The following APBA1 variants were observed in gnomAD, a reference collection of about 807,000 sequenced individuals.
The protein encoded by APBA1 is amyloid-beta A4 precursor protein-binding family A member 1.
APBA1 carries 55 observed loss-of-function variants against 86.6 expected under a neutral mutation model. The observed-to-expected ratio is 0.64, with a 90% CI of 0.51 to 0.80. The LOEUF (loss-of-function observed/expected upper bound fraction) is 0.80, where lower values mean the gene tolerates loss of function less well. Among genes scored for constraint, APBA1 ranks in the 30% least tolerant of loss-of-function variants. APBA1 has a pLI of 0.00. For missense variants in APBA1, 1,090 were observed against 1,183.0 expected, an observed-to-expected ratio of 0.92 and a Z score of 1.15; for synonymous variants, 511 against 493.9, an observed-to-expected ratio of 1.03 and a Z score of -0.46.
chr9:69,476,911 G>A (rs1231962130), intron 2 of APBA1, among the ~76,000 whole-genome samples: 1 of 152,200 alleles, frequency 6.6e-6, no homozygotes, highest in Non-Finnish European at 1.5e-5. Flanking sequence ...CCAGGTCAGT[G>A]TACACAGAAG....
chr9:69,500,043 C>A (rs1835858379), intron 2 of APBA1, among the ~76,000 whole-genome samples: 1 of 152,010 alleles, frequency 6.6e-6, no homozygotes, highest in South Asian at 2.1e-4. Flanking sequence ...GCCATTATCA[C>A]TAATTAGCAG....
intron 1 of APBA1, among the ~76,000 whole-genome samples, chr9:69,577,301 A>T (rs1025131049): frequency 3.3e-5 from 5 of 152,346 alleles, no homozygotes; most frequent in Middle Eastern, 3.4e-3. Flanking sequence ...ATATTGAGTC[A>T]TCATGAGTAG....
At chr9:69,621,146 T>C (rs1001963754) in intron 1 of APBA1, among the ~76,000 whole-genome samples, 51 of 152,192 alleles carry the variant, frequency 3.4e-4, no homozygotes, top group South Asian at 8.3e-4. Flanking sequence ...TGGTAGCTGT[T>C]ATTATCACCA....
intron 1 of APBA1, among the ~76,000 whole-genome samples, chr9:69,554,582 A>G (rs1836833622): frequency 6.6e-6 from 1 of 152,188 alleles, no homozygotes; most frequent in African/African-American, 2.4e-5. Flanking sequence ...AGCGGCACAC[A>G]AGGAGCTTAA....
chr9:69,477,263 C>T lies in APBA1; in HGVS notation c.1201-1120G>A, dbSNP rs961019236. Among the ~76,000 whole-genome samples the T allele has an allele frequency of 1.2e-4, 18 of 151,416 alleles. No individual in the cohort carries two copies. In the East Asian group the frequency reaches 1.2e-3, roughly 10 times the overall value. On this transcript the variant is annotated intron_variant, in intron 2 of 12. Transcript: ENST00000265381. The stretch of plus-strand genomic sequence containing the variant: ...CAGTGGGCGCAGGTCAGTGGGTGCG[C>T]GCACCGTGCGCCAGCCGAAGCAGGG...
intron 1 of APBA1, among the ~76,000 whole-genome samples, chr9:69,568,853 G>A (rs1837071473): frequency 6.6e-6 from 1 of 152,242 alleles, no homozygotes; most frequent in South Asian, 2.1e-4. Context: ...AAAAAGTTTA[G>A]GATAGTGACT....
At chr9:69,580,448 G>C (rs912510824) in intron 1 of APBA1, among the ~76,000 whole-genome samples, 3 of 152,174 alleles carry the variant, frequency 2.0e-5, no homozygotes, top group African/African-American at 7.2e-5. Context: ...CAGACACTGA[G>C]AAAGGAAGAT....
intron 2 of APBA1, among the ~76,000 whole-genome samples, chr9:69,500,145 T>C (rs950687857): frequency 6.6e-6 from 1 of 152,030 alleles, no homozygotes; most frequent in Non-Finnish European, 1.5e-5. Flanking sequence ...GTCGCCTGAG[T>C]GCCTGACCAG....
At chr9:69,511,271 C>T (rs1412862495) in intron 2 of APBA1, among the ~76,000 whole-genome samples, 10 of 152,198 alleles carry the variant, frequency 6.6e-5, no homozygotes, top group South Asian at 2.1e-4. Context: ...AGGACATGAA[C>T]AGACACTTCT....
At chr9:69,458,304 T>G (rs1365498764) in intron 5 of APBA1, 116 bp from the exon 6 acceptor site, 1 of 846,042 alleles carries the variant, frequency 1.2e-6, no homozygotes, top group Non-Finnish European at 1.8e-6. Flanking sequence ...AGCGTTTCTG[T>G]GGGAGGAGGA....
intron 1 of APBA1, among the ~76,000 whole-genome samples, chr9:69,621,907 A>C (rs1822827027): frequency 6.6e-6 from 1 of 152,230 alleles, no homozygotes; most frequent in South Asian, 2.1e-4. Context: ...AGTGTTGGCT[A>C]TGATTAGCAA....
chr9:69,654,810 G>T (rs80191958), intron 1 of APBA1, among the ~76,000 whole-genome samples: 1 of 152,024 alleles, frequency 6.6e-6, no homozygotes, highest in Non-Finnish European at 1.5e-5. Context: ...ATCTTCAACC[G>T]AACACTAGTA....
intron 1 of APBA1, among the ~76,000 whole-genome samples, chr9:69,608,583 A>G (rs773833348): frequency 2.6e-5 from 4 of 152,216 alleles, no homozygotes; most frequent in Non-Finnish European, 5.9e-5. Flanking sequence ...AACAGTATTT[A>G]TGACATGCTA....
At position 69,448,107 on chromosome 9, in the gene APBA1, C is replaced by T. The variant is rs994166998; in HGVS notation, c.2181+1477G>A. Among the ~76,000 whole-genome samples, 96 of 152,144 alleles carry T rather than the reference C, an allele frequency of 6.3e-4. 1 individual carries two copies. Among genetic ancestry groups the T allele is most frequent in the African/African-American group, 2.2e-3 (93 of 41,446 alleles). ...CCATCTCTCCCTGACTCAACACCGG[C>T]CCCTGTCCATCAATTCAAGCAGAAA... is the stretch of plus-strand genomic sequence containing the variant. On this transcript the variant is annotated intron_variant, in intron 10 of 12. Transcript: ENST00000265381.
Position 69,672,355 on chromosome 9 carries a change from G to C in APBA1, c.-272C>G, listed in dbSNP as rs1360929280. ...GCTCCGGCTCCGCAGCCGCTGCTCG[G>C]ACCCCTCCGGTCTCGCGGCCCCACC... On this transcript the variant is annotated 5_prime_UTR_variant, in exon 1 of 13. Coordinates refer to ENST00000265381, the MANE Select transcript of APBA1 (RefSeq NM_001163.4). The C allele has an allele frequency of 6.3e-6, 1 of 157,978 alleles. No individual in the cohort carries two copies. Among genetic ancestry groups the C allele is most frequent in the Non-Finnish European group, 1.4e-5 (1 of 72,364 alleles). 9.8% of individuals were successfully genotyped at this position (157,978 alleles called of 1,614,324 possible).
At chr9:69,540,715 C>T (rs1316143019) in intron 1 of APBA1, among the ~76,000 whole-genome samples, 1 of 152,204 alleles carries the variant, frequency 6.6e-6, no homozygotes, top group East Asian at 1.9e-4. Context: ...TCTCCCACTT[C>T]AGCCTTCCAA....
intron 1 of APBA1, among the ~76,000 whole-genome samples, chr9:69,576,695 G>A (rs1454657188): frequency 4.6e-5 from 7 of 152,088 alleles, no homozygotes; most frequent in African/African-American, 9.7e-5. Context: ...ATCACACACC[G>A]GGGCCTGTTG....
intron 1 of APBA1, among the ~76,000 whole-genome samples, chr9:69,603,186 A>G (rs1381024360): frequency 6.6e-6 from 1 of 152,232 alleles, no homozygotes; most frequent in African/African-American, 2.4e-5. Flanking sequence ...TCTGAGCCCA[A>G]TCACTGGCTG....
intron 2 of APBA1, among the ~76,000 whole-genome samples, chr9:69,510,358 T>C (rs1836012328): frequency 6.7e-6 from 1 of 150,302 alleles, no homozygotes; most frequent in South Asian, 2.1e-4. Context: ...GGAATCCAAC[T>C]TACAAGGGAT....
Sources: gnomAD v4.1 joint callset for allele counts (sites outside exome capture counted in the v4.1 genomes callset) on GRCh38, gnomAD v4.1.1 for gene constraint, MANE v1.5 for transcripts, NCBI Gene and HGNC (gene_info 2026-07-23, HGNC 2026-07-21) for gene names.